The following CNTNAP2 variants were observed in gnomAD, a reference collection of about 807,000 sequenced individuals.
The protein encoded by CNTNAP2 is contactin-associated protein-like 2.
A neutral mutation model predicts 155.2 loss-of-function variants in CNTNAP2; 98 were observed. The observed-to-expected ratio is 0.63, with a 90% CI of 0.54 to 0.75. The LOEUF is 0.75. Ranked by LOEUF, CNTNAP2 falls within the 30% of genes least tolerant of loss-of-function variation. The pLI, the probability that CNTNAP2 is intolerant of heterozygous loss-of-function variation, is 0.00. For synonymous variants in CNTNAP2, 651 were observed against 631.2 expected (o/e 1.03, Z -0.47); for missense variants, 1,727 against 1,688.1 (o/e 1.02, Z -0.40).
intron 19 of CNTNAP2, among the ~76,000 whole-genome samples, chr7:148,221,912 A>G (rs1395344560): frequency 6.6e-6 from 1 of 152,216 alleles, no homozygotes; most frequent in Non-Finnish European, 1.5e-5. Flanking sequence ...AATATCTTTT[A>G]ATTCCCAGTA....
chr7:147,028,340 A>G (rs1397167605), intron 3 of CNTNAP2, among the ~76,000 whole-genome samples: 1 of 152,252 alleles, frequency 6.6e-6, no homozygotes, highest in East Asian at 1.9e-4. Context: ...GTCAATACAA[A>G]ATAATGCAAT....
At chr7:146,159,209 C>G (rs1310973511) in intron 1 of CNTNAP2, among the ~76,000 whole-genome samples, 3 of 152,170 alleles carry the variant, frequency 2.0e-5, no homozygotes, top group African/African-American at 4.8e-5. Context: ...TTGTCACCAC[C>G]AGGCCTGCCT....
chr7:146,644,228 G>T (rs531267137), intron 1 of CNTNAP2, among the ~76,000 whole-genome samples: 1 of 152,134 alleles, frequency 6.6e-6, no homozygotes, highest in African/African-American at 2.4e-5. Context: ...TCCCTGTCTT[G>T]TGCCCGTTTT....
intron 1 of CNTNAP2, among the ~76,000 whole-genome samples, chr7:146,433,176 C>G (rs1796195471): frequency 6.6e-6 from 1 of 152,174 alleles, no homozygotes; most frequent in Non-Finnish European, 1.5e-5. Flanking sequence ...TATCCATGTT[C>G]TCTCTGCTAA....
At chr7:147,865,647 T>C (rs1480221060) in intron 13 of CNTNAP2, among the ~76,000 whole-genome samples, 1 of 152,200 alleles carries the variant, frequency 6.6e-6, no homozygotes, top group Non-Finnish European at 1.5e-5. Flanking sequence ...CTTCCTGGTT[T>C]AGTGTTGGGA....
intron 15 of CNTNAP2, among the ~76,000 whole-genome samples, chr7:148,051,102 TG>T (rs1439343811): frequency 2.0e-5 from 3 of 152,218 alleles, no homozygotes; most frequent in African/African-American, 7.2e-5. Flanking sequence ...CAGTGTAGCT[TG>T]TTTTGAGTTC....
chr7:146,879,682 C>T (rs773600386), intron 3 of CNTNAP2, among the ~76,000 whole-genome samples: 1 of 152,036 alleles, frequency 6.6e-6, no homozygotes, highest in African/African-American at 2.4e-5. Flanking sequence ...GAGCTGAGAG[C>T]CTTCTCCCAA....
At position 147,940,644 on chromosome 7, in the gene CNTNAP2, C is replaced by G. The variant is rs140413298; in HGVS notation, c.2255+36923C>G. Reference sequence around the variant, plus strand: ...TAACCTTCTGGGCTCAAGGGATTCTCCCACCTCAGCCTCCTGAGTAGCTGG... The same window carrying G: ...TAACCTTCTGGGCTCAAGGGATTCTGCCACCTCAGCCTCCTGAGTAGCTGG... On this transcript the variant is annotated intron_variant, in intron 14 of 23. Transcript: ENST00000361727. Among the ~76,000 whole-genome samples, 1,100 of 152,172 alleles carry G rather than the reference C, an allele frequency of 7.2e-3. 13 individuals are homozygous for G. Among genetic ancestry groups the G allele is most frequent in the African/African-American group, 0.026 (1,062 of 41,508 alleles).
At chr7:147,873,665 C>T (rs1308478453) in intron 13 of CNTNAP2, among the ~76,000 whole-genome samples, 1 of 152,142 alleles carries the variant, frequency 6.6e-6, no homozygotes, top group Non-Finnish European at 1.5e-5. Flanking sequence ...CCCCTGGCTC[C>T]TCCCAAATCT....
chr7:148,084,655 TG>T (rs1803683636), intron 15 of CNTNAP2, among the ~76,000 whole-genome samples: 1 of 152,220 alleles, frequency 6.6e-6, no homozygotes, highest in African/African-American at 2.4e-5. Flanking sequence ...CTTGCTTAAT[TG>T]TATTAATTCA....
chr7:147,375,584 T>C (rs1012429431), intron 9 of CNTNAP2, among the ~76,000 whole-genome samples: 3 of 152,022 alleles, frequency 2.0e-5, no homozygotes, highest in Non-Finnish European at 4.4e-5. Flanking sequence ...TTATCTTCTA[T>C]ACCTTACATT....
intron 9 of CNTNAP2, among the ~76,000 whole-genome samples, chr7:147,300,980 T>G (rs1794936009): frequency 6.6e-6 from 1 of 152,160 alleles, no homozygotes; most frequent in Non-Finnish European, 1.5e-5. Flanking sequence ...TGAGTATTTT[T>G]TAAAATATAA....
chr7:146,634,302 G>A (rs955614087), intron 1 of CNTNAP2, among the ~76,000 whole-genome samples: 1 of 152,128 alleles, frequency 6.6e-6, no homozygotes, highest in African/African-American at 2.4e-5. Context: ...TCAGAAGAGA[G>A]CTGACAATCA....
At chr7:147,223,721 T>A (rs893063105) in intron 8 of CNTNAP2, among the ~76,000 whole-genome samples, 1 of 151,958 alleles carries the variant, frequency 6.6e-6, no homozygotes, top group Non-Finnish European at 1.5e-5. Context: ...GGCAGGCGGA[T>A]CATGAGGTCA....
At chr7:147,434,165 G>A (rs995204388) in intron 10 of CNTNAP2, among the ~76,000 whole-genome samples, 1 of 152,158 alleles carries the variant, frequency 6.6e-6, no homozygotes, top group Admixed American at 6.5e-5. Context: ...TCAAGGTTAT[G>A]CACTCTATTT....
intron 8 of CNTNAP2, among the ~76,000 whole-genome samples, chr7:147,135,219 T>C (rs973076854): frequency 2.0e-5 from 3 of 151,834 alleles, no homozygotes; most frequent in Admixed American, 6.6e-5. Flanking sequence ...TTCAAGAGTC[T>C]CATTAGTAAT....
chr7:147,399,838 G>T (rs1199155840), intron 10 of CNTNAP2, among the ~76,000 whole-genome samples: 1 of 152,082 alleles, frequency 6.6e-6, no homozygotes, highest in Non-Finnish European at 1.5e-5. Flanking sequence ...GGAAGGGGAG[G>T]TGGTGGATAA....
At chr7:147,873,189 AGGAGCTCT>A (rs1350599914) in intron 13 of CNTNAP2, among the ~76,000 whole-genome samples, 2 of 152,234 alleles carry the variant, frequency 1.3e-5, no homozygotes, top group Non-Finnish European at 2.9e-5. Flanking sequence ...CTTACCACTA[AGGAGCTCT>A]AACCAGAAAC....
chr7:146,133,132 G>T (rs1421120757), intron 1 of CNTNAP2, among the ~76,000 whole-genome samples: 6 of 151,378 alleles, frequency 4.0e-5, no homozygotes, highest in Non-Finnish European at 8.8e-5. Context: ...GTATCTCGTT[G>T]TGGTTTTGAT....
Sources: allele counts gnomAD v4.1 joint callset (sites outside exome capture counted in the v4.1 genomes callset), GRCh38; gene constraint gnomAD v4.1.1; transcripts MANE v1.5; gene names NCBI Gene and HGNC (gene_info 2026-07-23, HGNC 2026-07-21).